Variants in SPATA9 observed in about 807,000 individuals in gnomAD.
SPATA9 encodes spermatogenesis associated 9.
Under a neutral mutation model 25.5 loss-of-function variants are expected in SPATA9, and 27 were observed. The ratio of observed to expected loss-of-function variants is 1.06; its 90% confidence interval spans 0.78 to 1.46. The LOEUF (loss-of-function observed/expected upper bound fraction) is 1.46. Ranked by LOEUF, SPATA9 falls within the 40% of genes most tolerant of loss-of-function variation. The probability of loss-of-function intolerance (pLI) is 0.00; values close to 1 mark genes in which losing one functional copy is unlikely to be tolerated. For synonymous variants in SPATA9, 102 were observed against 105.7 expected (o/e 0.97, Z 0.21); for missense variants, 282 against 297.5 (o/e 0.95, Z 0.38).
chr5:95,658,601 T>G lies in SPATA9; in HGVS notation c.*22A>C, dbSNP rs767565875. The G allele has an allele frequency of 6.3e-7, 1 of 1,596,864 alleles. No individual in the cohort carries two copies. Among genetic ancestry groups the G allele is most frequent in the Admixed American group, 1.7e-5 (1 of 57,494 alleles). ...TGCCATTAAATAGATAACTCTTAAG[T>G]TCTGTTCAGTGATACCTGTATTCAG... On this transcript the variant is annotated 3_prime_UTR_variant, in exon 5 of 5. Coordinates refer to ENST00000274432, the MANE Select transcript of SPATA9 (RefSeq NM_031952.4).
At chr5:95,662,795 G>A (rs1751387657) in intron 4 of SPATA9, among the ~76,000 whole-genome samples, 1 of 152,116 alleles carries the variant, frequency 6.6e-6, no homozygotes, top group Admixed American at 6.5e-5. Flanking sequence ...TATATGCAGA[G>A]GTACTCAATC....
chr5:95,725,212 A>T, the SPATA9 span, among the ~76,000 whole-genome samples: 9 of 152,256 alleles, frequency 5.9e-5, no homozygotes, highest in Admixed American at 3.9e-4. Flanking sequence ...GATGCTATTC[A>T]GCAATGAAAA....
rs778481227 is a variant in SPATA9, at chr5:95,682,631, G to A, written c.62-15C>T. 3.8e-6 allele frequency: 6 copies of A among 1,597,920 alleles called. No homozygotes were observed. The highest frequency in any genetic ancestry group is 5.1e-6 in the Non-Finnish European group (6 of 1,173,182). On this transcript the variant is annotated splice_polypyrimidine_tract_variant and intron_variant, in intron 1 of 4. Coordinates refer to ENST00000274432, the MANE Select transcript of SPATA9 (RefSeq NM_031952.4). ...GATCCCCTCGACTAAGACAAAAAGAGGTTAGGAAAAAGAAAACTTTGAAAA... is the reference window on the plus strand; with the variant it reads ...GATCCCCTCGACTAAGACAAAAAGAAGTTAGGAAAAAGAAAACTTTGAAAA...
At chr5:95,706,361 G>A in the SPATA9 span, among the ~76,000 whole-genome samples, 2 of 151,674 alleles carry the variant, frequency 1.3e-5, no homozygotes, top group Admixed American at 1.3e-4. Context: ...AGGAGATCTG[G>A]TTGGTTAAAA....
At chr5:95,683,012 T>C (rs1383315163), upstream of SPATA9, 3 of 1,286,948 alleles carry the variant, frequency 2.3e-6, no homozygotes, top group Admixed American at 3.8e-5. Flanking sequence ...TTTGTTACTG[T>C]ACAATAGGCT....
At position 95,680,125 on chromosome 5, in the gene SPATA9, C is replaced by T. The variant is rs191879665; in HGVS notation, c.150+2403G>A. Among the ~76,000 whole-genome samples, 469 of 152,310 alleles carry T rather than the reference C, an allele frequency of 3.1e-3. 3 individuals carry two copies. The highest frequency in any genetic ancestry group is 0.01 in the African/African-American group (427 of 41,564). ...GTGTTAGCCAGGATGGTCTCCATCT[C>T]CTGACCTTGTGATCCGCCTGCCTCG... On this transcript the variant is annotated intron_variant, in intron 2 of 4. Transcript: ENST00000274432.
At chr5:95,698,042 C>T (rs1012785783) in intron 1 of SPATA9, among the ~76,000 whole-genome samples, 11 of 152,058 alleles carry the variant, frequency 7.2e-5, no homozygotes, top group Non-Finnish European at 2.9e-5. Flanking sequence ...ATGATGTGTA[C>T]CCTGGGGTCA....
chr5:95,652,455 T>A, downstream of SPATA9: 1 of 1,212,348 alleles, frequency 8.2e-7, no homozygotes, highest in Non-Finnish European at 1.1e-6. Flanking sequence ...TGAGATACCT[T>A]AAACTCAATA....
the SPATA9 span, chr5:95,731,964 C>T: frequency 1.9e-6 from 3 of 1,614,148 alleles, no homozygotes; most frequent in East Asian, 2.2e-5. Context: ...CTCTGGTCTC[C>T]GGGGACGAGA....
chr5:95,706,507 C>T, the SPATA9 span, among the ~76,000 whole-genome samples: 2 of 151,918 alleles, frequency 1.3e-5, no homozygotes, highest in Non-Finnish European at 1.5e-5. Flanking sequence ...TCCTGTACAG[C>T]CTGCAGAATT....
the SPATA9 span, among the ~76,000 whole-genome samples, chr5:95,710,735 C>CATTT: frequency 1.3e-5 from 2 of 152,192 alleles, no homozygotes. Context: ...ATTAACGGGC[C>CATTT]ATTTCATTCT....
At chr5:95,659,007 T>C in intron 4 of SPATA9, 94 bp from the exon 5 acceptor site, 1 of 1,454,510 alleles carries the variant, frequency 6.9e-7, no homozygotes, top group Non-Finnish European at 9.2e-7. Context: ...CATAAAGTCA[T>C]TTAATCTACA....
At chr5:95,674,352 G>C (rs920249913) in intron 3 of SPATA9, among the ~76,000 whole-genome samples, 4 of 152,262 alleles carry the variant, frequency 2.6e-5, no homozygotes, top group Admixed American at 2.6e-4. Flanking sequence ...AGGTCATGTG[G>C]TCTGGACAGA....
intron 1 of SPATA9, among the ~76,000 whole-genome samples, chr5:95,696,132 A>G (rs1754015955): frequency 6.6e-6 from 1 of 152,176 alleles, no homozygotes; most frequent in South Asian, 2.1e-4. Context: ...ACTGACACTT[A>G]ATTATAGCTT....
downstream of SPATA9, among the ~76,000 whole-genome samples, chr5:95,655,180 A>G (rs1247341472): frequency 2.0e-5 from 3 of 152,076 alleles, no homozygotes; most frequent in Non-Finnish European, 4.4e-5. Context: ...ATTTTTTCCC[A>G]TTGTCCAAAC....
At chr5:95,703,814 A>C in the SPATA9 span, among the ~76,000 whole-genome samples, 1 of 122,050 alleles carries the variant, frequency 8.2e-6, no homozygotes, top group South Asian at 3.1e-4. Context: ...TTTCATAAAA[A>C]TTAAAAACCT....
intron 3 of SPATA9, among the ~76,000 whole-genome samples, chr5:95,671,265 C>T (rs1002853071): frequency 6.6e-5 from 10 of 152,144 alleles, no homozygotes; most frequent in Admixed American, 2.0e-4. Context: ...TTCTGTAGTG[C>T]ACTTTGCATA....
chr5:95,699,960 G>A (rs548383539), upstream of SPATA9, among the ~76,000 whole-genome samples: 11 of 152,236 alleles, frequency 7.2e-5, no homozygotes, highest in East Asian at 1.7e-3. Flanking sequence ...GTTTGAATGG[G>A]ACATCTGGGC....
the SPATA9 span, chr5:95,731,817 G>A: frequency 6.2e-7 from 1 of 1,603,262 alleles, no homozygotes; most frequent in Non-Finnish European, 8.5e-7. Flanking sequence ...CCCGCGCGCT[G>A]ACCGTGCTTC....
Sources: gnomAD v4.1 joint callset for allele counts (sites outside exome capture counted in the v4.1 genomes callset) on GRCh38, gnomAD v4.1.1 for gene constraint, MANE v1.5 for transcripts, NCBI Gene and HGNC (gene_info 2026-07-23, HGNC 2026-07-21) for gene names.